The following MGMT variants were observed in gnomAD, a reference collection of about 807,000 sequenced individuals.
MGMT encodes the protein methylated-DNA--protein-cysteine methyltransferase.
A neutral mutation model predicts 15.9 loss-of-function variants in MGMT; 14 were observed. The ratio of observed to expected loss-of-function variants is 0.88; its 90% CI spans 0.58 to 1.37. MGMT has a LOEUF of 1.37. Ranked by LOEUF, MGMT falls within the 40% of genes most tolerant of loss-of-function variation. MGMT has a pLI of 0.00. For synonymous variants in MGMT, 130 were observed against 118.2 expected (o/e 1.10, Z -0.65); for missense variants, 282 against 268.1 (o/e 1.05, Z -0.36).
chr10:129,726,432 A>C (rs1308797525), intron 3 of MGMT, among the ~76,000 whole-genome samples: 1 of 152,082 alleles, frequency 6.6e-6, no homozygotes, highest in Non-Finnish European at 1.5e-5. Context: ...GGGTGTTGTG[A>C]GGACGCTCTC....
At position 129,483,109 on chromosome 10, in the gene MGMT, A is replaced by G. The variant is rs574649301; in HGVS notation, c.-13+15813A>G. 4.6e-5 allele frequency among the ~76,000 whole-genome samples: 7 copies of G among 152,292 alleles called. No homozygotes were observed. In the East Asian group the frequency reaches 9.6e-4, roughly 21 times the overall value. On this transcript the variant is annotated intron_variant, in intron 1 of 4. Coordinates refer to ENST00000651593, the MANE Select transcript of MGMT (RefSeq NM_002412.5). ...GGCTGCTTTAGGATGTGTAATGTAC[A>G]TACTTAGCTTATGCTTATCATAATC...
chr10:129,471,101 G>A (rs371983392), intron 1 of MGMT, among the ~76,000 whole-genome samples: 2 of 152,226 alleles, frequency 1.3e-5, no homozygotes, highest in Non-Finnish European at 2.9e-5. Flanking sequence ...CACCAGCGGC[G>A]TGGCTTGTGA....
chr10:129,711,838 T>C (rs10829621), intron 3 of MGMT, among the ~76,000 whole-genome samples: 10,126 of 152,302 alleles, frequency 0.066, 840 homozygotes, highest in East Asian at 0.2. Context: ...GAAATACTTA[T>C]TTAATGAAGC....
chr10:129,732,708 T>A (rs1848515480), intron 3 of MGMT, among the ~76,000 whole-genome samples: 1 of 105,526 alleles, frequency 9.5e-6, no homozygotes, highest in African/African-American at 3.4e-5. Context: ...CCCTCCCCCG[T>A]CCCCCCACCC....
intron 2 of MGMT, among the ~76,000 whole-genome samples, chr10:129,580,363 G>A (rs759555228): frequency 3.7e-4 from 56 of 152,266 alleles, no homozygotes; most frequent in East Asian, 7.7e-4. Context: ...TAGGCATTAC[G>A]ATTAGGCACC....
rs76798832 is a variant in MGMT, at chr10:129,761,314, T to C, written c.414+1973T>C. 5.9e-5 allele frequency among the ~76,000 whole-genome samples: 9 copies of C among 152,278 alleles called. No homozygotes were observed. The East Asian group carries it at 1.5e-3, about 26-fold the overall frequency. ...ATTCTGCTCCCTCCGTGCACACACA[T>C]GAAGATGGGAGTGGCCCCGTCAGCG... On this transcript the variant is annotated intron_variant, in intron 4 of 4. Coordinates refer to ENST00000651593, the MANE Select transcript of MGMT (RefSeq NM_002412.5).
At chr10:129,487,064 G>A (rs1043410559) in intron 1 of MGMT, among the ~76,000 whole-genome samples, 2 of 152,146 alleles carry the variant, frequency 1.3e-5, no homozygotes, top group Non-Finnish European at 2.9e-5. Context: ...GGGCTACTTG[G>A]ATAGCTGGTA....
chr10:129,633,283 G>A (rs1043369531), intron 2 of MGMT, among the ~76,000 whole-genome samples: 10 of 152,188 alleles, frequency 6.6e-5, no homozygotes, highest in African/African-American at 1.9e-4. Flanking sequence ...TAGTGAGATC[G>A]TTTAGATAAT....
At chr10:129,590,084 T>G (rs542376512) in intron 2 of MGMT, among the ~76,000 whole-genome samples, 6 of 152,300 alleles carry the variant, frequency 3.9e-5, no homozygotes, top group Non-Finnish European at 4.4e-5. Flanking sequence ...ATGGGTTCCC[T>G]GTTAATTCCT....
intron 2 of MGMT, among the ~76,000 whole-genome samples, chr10:129,554,861 G>A (rs1306410341): frequency 3.9e-5 from 6 of 152,296 alleles, no homozygotes; most frequent in East Asian, 1.9e-4. Context: ...ATTGTGTGGT[G>A]TGAACGCTGT....
chr10:129,493,824 C>G (rs1845493478), intron 1 of MGMT, among the ~76,000 whole-genome samples: 1 of 152,160 alleles, frequency 6.6e-6, no homozygotes, highest in Admixed American at 6.5e-5. Context: ...GCAATACTCT[C>G]TAGGGGACAA....
chr10:129,550,490 AGGCT>A (rs1846145069), intron 2 of MGMT, among the ~76,000 whole-genome samples: 2 of 149,052 alleles, frequency 1.3e-5, no homozygotes, highest in South Asian at 4.2e-4. Flanking sequence ...TCTGTCACCT[AGGCT>A]GGAGTACAGT....
intron 1 of MGMT, among the ~76,000 whole-genome samples, chr10:129,509,083 C>T (rs764105178): frequency 2.6e-5 from 4 of 152,138 alleles, no homozygotes; most frequent in African/African-American, 4.8e-5. Flanking sequence ...GCGTCATTTC[C>T]GGGTGAAGCC....
intron 1 of MGMT, among the ~76,000 whole-genome samples, chr10:129,499,276 G>T (rs1362126840): frequency 6.6e-6 from 1 of 152,194 alleles, no homozygotes; most frequent in Non-Finnish European, 1.5e-5. Context: ...TAGGAATATA[G>T]GGTTGACATT....
At chr10:129,642,312 G>A (rs983416504) in intron 2 of MGMT, among the ~76,000 whole-genome samples, 2 of 152,104 alleles carry the variant, frequency 1.3e-5, no homozygotes, top group African/African-American at 2.4e-5. Context: ...GAAACAGTGG[G>A]GGAGCTTCTA....
chr10:129,726,322 T>C (rs1848433061), intron 3 of MGMT, among the ~76,000 whole-genome samples: 1 of 152,116 alleles, frequency 6.6e-6, no homozygotes, highest in Non-Finnish European at 1.5e-5. Context: ...GCCAGGTCCT[T>C]GATGGCACAG....
intron 1 of MGMT, among the ~76,000 whole-genome samples, chr10:129,526,140 T>C (rs1327834885): frequency 6.6e-6 from 1 of 152,218 alleles, no homozygotes; most frequent in Non-Finnish European, 1.5e-5. Flanking sequence ...CGTGGCCCTT[T>C]ATACTTGGTG....
chr10:129,656,051 T>A (rs1038438295), intron 2 of MGMT, among the ~76,000 whole-genome samples: 1 of 152,226 alleles, frequency 6.6e-6, no homozygotes, highest in African/African-American at 2.4e-5. Flanking sequence ...GGACAACCCC[T>A]GAATTAACCA....
intron 3 of MGMT, among the ~76,000 whole-genome samples, chr10:129,729,721 G>A (rs530649510): frequency 5.3e-5 from 8 of 152,276 alleles, no homozygotes; most frequent in Admixed American, 2.0e-4. Context: ...TCCGTGTCCC[G>A]TGGTAAAGAA....
Sources: gnomAD v4.1 joint callset for allele counts (sites outside exome capture counted in the v4.1 genomes callset) on GRCh38, gnomAD v4.1.1 for gene constraint, MANE v1.5 for transcripts, NCBI Gene and HGNC (gene_info 2026-07-23, HGNC 2026-07-21) for gene names.